GTF2F2: variants seen among roughly 807,000 people sequenced by gnomAD.
GTF2F2 encodes the protein ATP-dependent helicase GTF2F2.
Under a neutral mutation model 42.2 loss-of-function variants are expected in GTF2F2, and 23 were observed. That is an observed-to-expected ratio of 0.55 (90% CI 0.39 to 0.77). The LOEUF is 0.77. Among genes scored for constraint, GTF2F2 ranks in the 30% least tolerant of loss-of-function variants. The probability of loss-of-function intolerance (pLI) is 0.00; values close to 1 mark genes in which losing one functional copy is unlikely to be tolerated. For missense variants in GTF2F2, 261 were observed against 287.2 expected (o/e 0.91, Z 0.66); for synonymous variants, 105 against 100.8 (o/e 1.04, Z -0.25).
At position 45,218,045 on chromosome 13, in the gene GTF2F2, A is replaced by AT. The variant is rs1326085391; in HGVS notation, c.386+10547dup. On this transcript the variant is annotated intron_variant, in intron 5 of 7. Coordinates refer to ENST00000340473, the MANE Select transcript of GTF2F2 (RefSeq NM_004128.3). The stretch of plus-strand genomic sequence containing the variant: ...CTGTTCAAGTAATTTGAGTAGGCAG[A>AT]TTTTTTTCTCCCCATGGGAAAGAAA... 3.3e-5 allele frequency among the ~76,000 whole-genome samples: 5 copies of AT among 152,338 alleles called. No homozygotes were observed. In the East Asian group the frequency reaches 5.8e-4, roughly 18 times the overall value.
At position 45,235,095 on chromosome 13, in the gene GTF2F2, G is replaced by A. The variant is rs562439414; in HGVS notation, c.387-17776G>A. On this transcript the variant is annotated intron_variant, in intron 5 of 7. Coordinates refer to ENST00000340473, the MANE Select transcript of GTF2F2 (RefSeq NM_004128.3). The stretch of plus-strand genomic sequence containing the variant: ...AAGGTCATAGTTGAATGTTTATTGA[G>A]AAGGCTAATAACATGAACTGACAAC... Among the ~76,000 whole-genome samples, 29 of 132,120 alleles carry A rather than the reference G, an allele frequency of 2.2e-4. No homozygotes were observed. The South Asian group carries it at 6.2e-3, about 28-fold the overall frequency. 86.7% of individuals were successfully genotyped at this position (132,120 alleles called of 152,430 possible).
chr13:45,148,597 C>A (rs1331882155), intron 2 of GTF2F2, among the ~76,000 whole-genome samples: 1 of 152,158 alleles, frequency 6.6e-6, no homozygotes, highest in African/African-American at 2.4e-5. Context: ...GAAATGGCTT[C>A]TTCCTGTCTG....
intron 5 of GTF2F2, among the ~76,000 whole-genome samples, chr13:45,249,551 A>G (rs920756896): frequency 2.0e-5 from 3 of 152,218 alleles, no homozygotes; most frequent in African/African-American, 4.8e-5. Context: ...AATAAATTCA[A>G]GTGTAAGAGT....
intron 4 of GTF2F2, among the ~76,000 whole-genome samples, chr13:45,174,842 A>C (rs1416132560): frequency 6.6e-6 from 1 of 151,964 alleles, no homozygotes; most frequent in Non-Finnish European, 1.5e-5. Context: ...ACACTCAATA[A>C]TTGTATACAT....
chr13:45,207,359 G>A, intron 4 of GTF2F2, 65 bp from the exon 5 acceptor site: 1 of 900,508 alleles, frequency 1.1e-6, no homozygotes, highest in South Asian at 1.4e-5. Context: ...TGTGTTTAGT[G>A]TGTCAAAATA....
Position 45,153,976 on chromosome 13 carries a change from CAA to C in GTF2F2, c.304+2168_304+2169del, listed in dbSNP as rs71070960. Among the ~76,000 whole-genome samples the C allele has an allele frequency of 1.4e-4, 10 of 71,488 alleles. No individual in the cohort carries two copies. The East Asian group carries it at 2.4e-3, about 17-fold the overall frequency. 46.9% of individuals were successfully genotyped at this position (71,488 alleles called of 152,430 possible). On this transcript the variant is annotated intron_variant, in intron 4 of 7. Transcript: ENST00000340473. ...TGGGCAACAGAGGGAGACTCAGTCTCAAAAAAAAAAAAAAAAAAAAAAAAGAG... is the reference window on the plus strand; with the variant it reads ...TGGGCAACAGAGGGAGACTCAGTCTCAAAAAAAAAAAAAAAAAAAAAAGAG...
At position 45,284,043 on chromosome 13, in the gene GTF2F2, A is replaced by C. The variant is rs1051966285; in HGVS notation, c.*482A>C. The C allele has an allele frequency of 1.3e-5, 2 of 152,234 alleles. No homozygotes were observed. The highest frequency in any genetic ancestry group is 4.8e-5 in the African/African-American group (2 of 41,458). The allele number at this position is 152,234 out of a possible 1,614,324, so 9.4% of individuals were successfully genotyped here. A position where few individuals can be genotyped will look rare whatever the true frequency, so the allele number is the denominator to read the frequency against. ...AGAACAAAGCGGTGTTTTTCTTTTA[A>C]ACAGGTGATCACGTTTCGTGTTCAT... is the stretch of plus-strand genomic sequence containing the variant. On this transcript the variant is annotated 3_prime_UTR_variant, in exon 8 of 8. Transcript: ENST00000340473.
At chr13:45,234,073 A>G (rs1302857900) in intron 5 of GTF2F2, among the ~76,000 whole-genome samples, 3 of 152,356 alleles carry the variant, frequency 2.0e-5, no homozygotes, top group African/African-American at 7.2e-5. Context: ...AGATCATCAT[A>G]TTAACAGCTT....
intron 5 of GTF2F2, among the ~76,000 whole-genome samples, chr13:45,215,562 C>T (rs1256804508): frequency 2.0e-5 from 3 of 152,004 alleles, no homozygotes; most frequent in Non-Finnish European, 2.9e-5. Flanking sequence ...GAGTTTGTGA[C>T]CAGCCTGGCC....
chr13:45,283,663 G>C lies in GTF2F2; in HGVS notation c.*102G>C, dbSNP rs554252886. 117 of 902,756 alleles carry C rather than the reference G, an allele frequency of 1.3e-4. No homozygotes were observed. The African/African-American group carries it at 1.9e-3, about 14-fold the overall frequency. 55.9% of individuals were successfully genotyped at this position (902,756 alleles called of 1,614,324 possible). On this transcript the variant is annotated 3_prime_UTR_variant, in exon 8 of 8. Coordinates refer to ENST00000340473, the MANE Select transcript of GTF2F2 (RefSeq NM_004128.3). ...AACACCGTATGTTAATAGGGGTTAA[G>C]TGACAGTACTTTGATTTCTCTCGGT...
intron 7 of GTF2F2, among the ~76,000 whole-genome samples, chr13:45,267,811 T>A (rs1196847815): frequency 5.0e-5 from 5 of 100,930 alleles, no homozygotes; most frequent in African/African-American, 3.4e-4. Context: ...TTTCTGTGGA[T>A]TTTTTTTTTT....
At chr13:45,189,020 A>G (rs981462163) in intron 4 of GTF2F2, among the ~76,000 whole-genome samples, 1 of 151,732 alleles carries the variant, frequency 6.6e-6, no homozygotes, top group African/African-American at 2.4e-5. Context: ...TGTCATTTAC[A>G]TTAGGTACTT....
rs184277330 is a variant in GTF2F2, at chr13:45,284,586, G to A, written c.*1025G>A. ...TTAAGTGAACTAAGCACAGGGAAAAGTTGTTTTTTCACTCGTTCATTTTGT... is the reference window on the plus strand; with the variant it reads ...TTAAGTGAACTAAGCACAGGGAAAAATTGTTTTTTCACTCGTTCATTTTGT... On this transcript the variant is annotated 3_prime_UTR_variant, in exon 8 of 8. Transcript: ENST00000340473. 1 of 152,212 alleles carries A rather than the reference G, an allele frequency of 6.6e-6. No homozygotes were observed. The highest frequency in any genetic ancestry group is 1.9e-4 in the East Asian group (1 of 5,188). 9.4% of individuals were successfully genotyped at this position (152,212 alleles called of 1,614,324 possible).
chr13:45,171,299 G>A (rs1363799222), intron 4 of GTF2F2, among the ~76,000 whole-genome samples: 3 of 151,934 alleles, frequency 2.0e-5, no homozygotes, highest in East Asian at 3.9e-4. Context: ...GGCTGATCTC[G>A]AATTGGTGAT....
intron 7 of GTF2F2, among the ~76,000 whole-genome samples, chr13:45,280,058 C>G (rs1877198467): frequency 6.6e-6 from 1 of 152,074 alleles, no homozygotes; most frequent in Non-Finnish European, 1.5e-5. Context: ...GAAAGTTTCT[C>G]TGAGAAAGTA....
chr13:45,120,538 G>A lies in GTF2F2; in HGVS notation c.-118G>A, dbSNP rs574407243. The A allele has an allele frequency of 2.8e-5, 20 of 710,160 alleles. No homozygotes were observed. The Admixed American group carries it at 4.2e-4, about 15-fold the overall frequency. The allele number at this position is 710,160 out of a possible 1,614,324, so 44.0% of individuals were successfully genotyped here. ...GGTTCCCAGTGTTCTGGCAGGTAAGGAACGCCGGCTCTTCGCCTCTCAGCG... is the reference window on the plus strand; with the variant it reads ...GGTTCCCAGTGTTCTGGCAGGTAAGAAACGCCGGCTCTTCGCCTCTCAGCG... On this transcript the variant is annotated 5_prime_UTR_variant, in exon 1 of 8. Transcript: ENST00000340473.
intron 5 of GTF2F2, among the ~76,000 whole-genome samples, chr13:45,246,281 G>A (rs942347383): frequency 6.6e-6 from 1 of 152,052 alleles, no homozygotes; most frequent in African/African-American, 2.4e-5. Context: ...AAAGTGCTGG[G>A]ATTACAGGCG....
At position 45,214,964 on chromosome 13, in the gene GTF2F2, T is replaced by C. The variant is rs185307006; in HGVS notation, c.386+7459T>C. Among the ~76,000 whole-genome samples the C allele has an allele frequency of 3.6e-4, 55 of 152,340 alleles. 1 individual carries two copies. Among genetic ancestry groups the C allele is most frequent in the Middle Eastern group, 3.4e-3 (1 of 294 alleles). ...TTAAAAGTTTTTATTTTTATTCCAG[T>C]GTTTGTGGATTTTTTCCAAAAACCT... On this transcript the variant is annotated intron_variant, in intron 5 of 7. Coordinates refer to ENST00000340473, the MANE Select transcript of GTF2F2 (RefSeq NM_004128.3).
At chr13:45,244,757 G>A (rs558819163) in intron 5 of GTF2F2, among the ~76,000 whole-genome samples, 22 of 152,226 alleles carry the variant, frequency 1.4e-4, no homozygotes, top group African/African-American at 4.8e-4. Context: ...TGCAACCTCC[G>A]CTTCCTGGGT....
Sources: gnomAD v4.1 joint callset for allele counts (sites outside exome capture counted in the v4.1 genomes callset) on GRCh38, gnomAD v4.1.1 for gene constraint, MANE v1.5 for transcripts, NCBI Gene and HGNC (gene_info 2026-07-23, HGNC 2026-07-21) for gene names.